SDCCAG8: variants seen among roughly 807,000 people sequenced by gnomAD.
SDCCAG8 encodes the protein SHH signaling and ciliogenesis regulator SDCCAG8.
In SDCCAG8, 74 loss-of-function variants were observed where a neutral mutation model predicts 101.8. That is an observed-to-expected ratio of 0.73 (90% CI 0.60 to 0.88). The LOEUF is 0.88. SDCCAG8 is among the 40% of genes least tolerant of loss of function. The probability of loss-of-function intolerance (pLI) is 0.00; values close to 1 mark genes in which losing one functional copy is unlikely to be tolerated. For synonymous variants in SDCCAG8, 281 were observed against 292.9 expected (o/e 0.96, Z 0.41); for missense variants, 787 against 822.6 (o/e 0.96, Z 0.53).
At chr1:243,454,771 A>G (rs1933036278) in intron 16 of SDCCAG8, among the ~76,000 whole-genome samples, 1 of 152,196 alleles carries the variant, frequency 6.6e-6, no homozygotes, top group South Asian at 2.1e-4. Flanking sequence ...AGTGAGCAGC[A>G]TAGCATTTTG....
intron 10 of SDCCAG8, among the ~76,000 whole-genome samples, chr1:243,339,620 C>T (rs1194761376): frequency 6.6e-6 from 1 of 152,174 alleles, no homozygotes; most frequent in Non-Finnish European, 1.5e-5. Flanking sequence ...AAATTCTCCA[C>T]TACCTTCAGA....
chr1:243,419,201 C>G (rs536403168), intron 15 of SDCCAG8, among the ~76,000 whole-genome samples: 1 of 152,188 alleles, frequency 6.6e-6, no homozygotes, highest in Non-Finnish European at 1.5e-5. Context: ...AGAATGTACT[C>G]TGACATGCGC....
chr1:243,475,575 A>C (rs920989785), intron 16 of SDCCAG8, among the ~76,000 whole-genome samples: 1 of 152,144 alleles, frequency 6.6e-6, no homozygotes, highest in Non-Finnish European at 1.5e-5. Context: ...TCATCCTCAG[A>C]GATCCTCTGG....
chr1:243,417,984 G>A lies in SDCCAG8; in HGVS notation c.1761G>A (p.Leu587=), dbSNP rs149837444. 493 of 1,610,910 alleles carry A rather than the reference G, an allele frequency of 3.1e-4. 3 individuals carry two copies. The African/African-American group carries it at 5.8e-3, about 19-fold the overall frequency. ...TATTTCTAGAAAATGAACAGTATTT[G>A]TTGCTGACCTCCCAGAATACATTTT... ...QHDKTENEQY[L]LLTSQNTFLT... is the part of the protein sequence containing the mutation. Residue 587 remains leucine, a synonymous_variant, in exon 15 of 18, where the codon TTG becomes TTA. Transcript: ENST00000366541.
intron 17 of SDCCAG8, among the ~76,000 whole-genome samples, chr1:243,491,597 C>T (rs1459878247): frequency 1.3e-5 from 2 of 152,210 alleles, no homozygotes; most frequent in Admixed American, 6.5e-5. Flanking sequence ...CTGGCCTTCA[C>T]CTCTAGGTAG....
chr1:243,478,575 C>G (rs1490482357), intron 16 of SDCCAG8, among the ~76,000 whole-genome samples: 1 of 152,130 alleles, frequency 6.6e-6, no homozygotes, highest in Non-Finnish European at 1.5e-5. Flanking sequence ...GAAGGTGGTA[C>G]CCCCTCCCCA....
At chr1:243,262,709 C>T (rs1339023060) in intron 1 of SDCCAG8, among the ~76,000 whole-genome samples, 1 of 151,936 alleles carries the variant, frequency 6.6e-6, no homozygotes, top group Non-Finnish European at 1.5e-5. Context: ...ATATTCTCTC[C>T]TGGGATGTTT....
intron 16 of SDCCAG8, among the ~76,000 whole-genome samples, chr1:243,438,171 G>A (rs551984435): frequency 1.3e-5 from 2 of 152,126 alleles, no homozygotes; most frequent in African/African-American, 4.8e-5. Flanking sequence ...GTGCGCATCC[G>A]GGGGGAGGAA....
In SDCCAG8 at chr1:243,480,310, T is replaced by A. The variant is rs1001418732; in HGVS notation, c.1986-8704T>A. Reference sequence around the variant, plus strand: ...TGGATGGGTGGATGGATGAGTGGGATGGATGGATGGGTGGGATGGATGGAT... The same window carrying A: ...TGGATGGGTGGATGGATGAGTGGGAAGGATGGATGGGTGGGATGGATGGAT... On this transcript the variant is annotated intron_variant, in intron 16 of 17. Transcript: ENST00000366541. Among the ~76,000 whole-genome samples the A allele has an allele frequency of 2.5e-5, 3 of 120,628 alleles. No homozygotes were observed. The Admixed American group carries it at 2.5e-4, about 10-fold the overall frequency. 79.1% of individuals were successfully genotyped at this position (120,628 alleles called of 152,430 possible). A position where few individuals can be genotyped will look rare whatever the true frequency, so the allele number is the denominator to read the frequency against.
chr1:243,436,311 C>T (rs994517521), intron 16 of SDCCAG8, among the ~76,000 whole-genome samples: 1 of 151,864 alleles, frequency 6.6e-6, no homozygotes, highest in South Asian at 2.1e-4. Context: ...TATTGTCCTA[C>T]CTGTGGTCAC....
chr1:243,368,946 A>T (rs1393323517), intron 12 of SDCCAG8, among the ~76,000 whole-genome samples: 1 of 152,178 alleles, frequency 6.6e-6, no homozygotes, highest in Non-Finnish European at 1.5e-5. Context: ...TACTACTAAG[A>T]TAAACTCAGT....
chr1:243,390,702 T>G (rs1020094567), intron 13 of SDCCAG8, among the ~76,000 whole-genome samples: 5 of 152,180 alleles, frequency 3.3e-5, no homozygotes, highest in Admixed American at 1.3e-4. Context: ...GCCAACTCAT[T>G]TCCTGAAGAA....
At chr1:243,419,743 T>C (rs1023596661) in intron 15 of SDCCAG8, among the ~76,000 whole-genome samples, 2 of 152,216 alleles carry the variant, frequency 1.3e-5, no homozygotes, top group Non-Finnish European at 2.9e-5. Context: ...TTTACATCTA[T>C]TGCTAAAGAA....
chr1:243,296,980 G>T (rs752168841), intron 6 of SDCCAG8, among the ~76,000 whole-genome samples: 3 of 151,988 alleles, frequency 2.0e-5, no homozygotes, highest in Non-Finnish European at 2.9e-5. Context: ...ATAACATTCA[G>T]TAAAGTACAC....
At chr1:243,445,253 T>C (rs1348356034) in intron 16 of SDCCAG8, among the ~76,000 whole-genome samples, 2 of 152,154 alleles carry the variant, frequency 1.3e-5, no homozygotes, top group African/African-American at 4.8e-5. Flanking sequence ...CAACTTCACC[T>C]CTTGTCGTCT....
chr1:243,269,383 A>G (rs1000373413), intron 1 of SDCCAG8, among the ~76,000 whole-genome samples: 1 of 149,510 alleles, frequency 6.7e-6, no homozygotes, highest in Non-Finnish European at 1.5e-5. Flanking sequence ...GCTCGCTGCA[A>G]CCCCTTGGAG....
At chr1:243,334,616 G>A (rs2074868380) in intron 10 of SDCCAG8, among the ~76,000 whole-genome samples, 1 of 152,068 alleles carries the variant, frequency 6.6e-6, no homozygotes, top group African/African-American at 2.4e-5. Context: ...ATTTGAGACA[G>A]GGTCTCACTC....
intron 10 of SDCCAG8, among the ~76,000 whole-genome samples, chr1:243,337,514 A>C (rs904577109): frequency 6.6e-6 from 1 of 152,210 alleles, no homozygotes; most frequent in Admixed American, 6.5e-5. Flanking sequence ...AATGGCAGAA[A>C]GTGGTTTTGG....
intron 16 of SDCCAG8, among the ~76,000 whole-genome samples, chr1:243,470,469 T>G (rs1223125946): frequency 6.6e-6 from 1 of 152,120 alleles, no homozygotes; most frequent in Non-Finnish European, 1.5e-5. Context: ...GTAGAATTTT[T>G]TTTTCCTTTT....
Sources: gnomAD v4.1 joint callset for allele counts (sites outside exome capture counted in the v4.1 genomes callset) on GRCh38, gnomAD v4.1.1 for gene constraint, MANE v1.5 for transcripts, NCBI Gene and HGNC (gene_info 2026-07-23, HGNC 2026-07-21) for gene names.